FAM13A: variants seen among roughly 807,000 people sequenced by gnomAD.
FAM13A encodes protein FAM13A.
Under a neutral mutation model 129.6 loss-of-function variants are expected in FAM13A, and 76 were observed. The ratio of observed to expected loss-of-function variants is 0.59; its 90% CI spans 0.49 to 0.71. The LOEUF (loss-of-function observed/expected upper bound fraction) is 0.71, where lower values mean the gene tolerates loss of function less well. FAM13A is among the 30% of genes least tolerant of loss of function. FAM13A has a pLI of 0.00. For synonymous variants in FAM13A, 443 were observed against 449.9 expected (o/e 0.98, Z 0.20); for missense variants, 1,108 against 1,249.3 (o/e 0.89, Z 1.70).
intron 3 of FAM13A, among the ~76,000 whole-genome samples, chr4:89,012,509 C>T (rs914408193): frequency 6.6e-6 from 1 of 152,212 alleles, no homozygotes; most frequent in South Asian, 2.1e-4. Flanking sequence ...TGATAAAAAT[C>T]TGTCATGCAG....
At position 88,783,388 on chromosome 4, in the gene FAM13A, C is replaced by T. The variant is rs572519095; in HGVS notation, c.1272-2037G>A. ...GATCTAGGCTCACTGCAAACTCGACCTCCCAGGTTCAAGCAATTCTCCTGC... is the reference window on the plus strand; with the variant it reads ...GATCTAGGCTCACTGCAAACTCGACTTCCCAGGTTCAAGCAATTCTCCTGC... On this transcript the variant is annotated intron_variant, in intron 10 of 23. Coordinates refer to ENST00000264344, the MANE Select transcript of FAM13A (RefSeq NM_014883.4). Among the ~76,000 whole-genome samples, 35 of 152,170 alleles carry T rather than the reference C, an allele frequency of 2.3e-4. 1 individual carries two copies. Among genetic ancestry groups the T allele is most frequent in the Middle Eastern group, 6.8e-3 (2 of 294 alleles).
chr4:88,865,537 GCAAAT>G (rs1740240615), intron 6 of FAM13A, among the ~76,000 whole-genome samples: 1 of 152,186 alleles, frequency 6.6e-6, no homozygotes, highest in South Asian at 2.1e-4. Flanking sequence ...AACGGTAACA[GCAAAT>G]CATGATATTG....
intron 1 of FAM13A, among the ~76,000 whole-genome samples, chr4:89,042,317 A>G (rs1035837409): frequency 7.9e-5 from 12 of 152,196 alleles, no homozygotes; most frequent in Non-Finnish European, 5.9e-5. Flanking sequence ...GCACATGTCC[A>G]CCTTGGAATA....
intron 20 of FAM13A, 23 bp from the exon 21 acceptor site, chr4:88,737,578 G>A (rs756905221): frequency 6.2e-7 from 1 of 1,601,916 alleles, no homozygotes; most frequent in Non-Finnish European, 8.6e-7. Context: ...TTAACAAGTA[G>A]GTTACATTCC....
intron 19 of FAM13A, among the ~76,000 whole-genome samples, chr4:88,745,888 C>A (rs190485296): frequency 1.3e-5 from 2 of 149,400 alleles, no homozygotes; most frequent in East Asian, 3.9e-4. Flanking sequence ...CTGATAAATT[C>A]AGAATTAAAA....
chr4:88,894,600 C>T (rs1188919151), intron 6 of FAM13A, among the ~76,000 whole-genome samples: 7 of 152,182 alleles, frequency 4.6e-5, no homozygotes, highest in Admixed American at 3.9e-4. Flanking sequence ...TGGCTCACTG[C>T]AACCTCAGCC....
At chr4:89,025,263 T>G (rs1466624529) in intron 2 of FAM13A, among the ~76,000 whole-genome samples, 5 of 125,864 alleles carry the variant, frequency 4.0e-5, no homozygotes, top group African/African-American at 1.4e-4. Context: ...TTTTTTTTTT[T>G]TTTTTTTTTT....
intron 23 of FAM13A, among the ~76,000 whole-genome samples, chr4:88,730,634 C>T (rs193195762): frequency 4.5e-4 from 69 of 152,236 alleles, no homozygotes; most frequent in Non-Finnish European, 8.1e-4. Flanking sequence ...TCATGTAATC[C>T]ACCCTCCTTG....
At chr4:88,954,885 C>CGAA (rs2148891151) in intron 4 of FAM13A, among the ~76,000 whole-genome samples, 1 of 123,990 alleles carries the variant, frequency 8.1e-6, no homozygotes, top group African/African-American at 3.0e-5. Context: ...GACTTCGTCT[C>CGAA]AAAAAAAAAA....
chr4:88,896,282 A>C (rs866482357), intron 6 of FAM13A, among the ~76,000 whole-genome samples: 1 of 84,942 alleles, frequency 1.2e-5, no homozygotes, highest in Admixed American at 1.4e-4. Context: ...GGGTTGGGGG[A>C]GGGGGGAGGG....
intron 7 of FAM13A, among the ~76,000 whole-genome samples, chr4:88,811,219 C>T (rs1157077898): frequency 6.6e-6 from 1 of 152,024 alleles, no homozygotes; most frequent in Non-Finnish European, 1.5e-5. Context: ...GGCATGATGA[C>T]GTAGTTGTGG....
intron 6 of FAM13A, among the ~76,000 whole-genome samples, chr4:88,875,622 A>G (rs1180557914): frequency 6.6e-6 from 1 of 152,342 alleles, no homozygotes; most frequent in African/African-American, 2.4e-5. Context: ...AATGGCGATC[A>G]TTAAAAAGTC....
At chr4:88,823,418 G>A (rs1732435739) in intron 7 of FAM13A, 1 of 787,218 alleles carries the variant, frequency 1.3e-6, no homozygotes, top group African/African-American at 1.9e-5. Context: ...CTGCTCCTCA[G>A]TGGGCTTGCC....
chr4:89,030,799 A>G (rs1437152573), intron 1 of FAM13A, among the ~76,000 whole-genome samples: 2 of 152,168 alleles, frequency 1.3e-5, no homozygotes, highest in Non-Finnish European at 2.9e-5. Flanking sequence ...AATTATAGTG[A>G]CAAACTTATA....
Position 88,783,017 on chromosome 4 carries a change from C to T in FAM13A, c.1272-1666G>A, listed in dbSNP as rs561410773. ...TGTGTGTACACGGTAGGTGTATATACATAAATTACAGGGTACATGAGATAT... is the reference window on the plus strand; with the variant it reads ...TGTGTGTACACGGTAGGTGTATATATATAAATTACAGGGTACATGAGATAT... On this transcript the variant is annotated intron_variant, in intron 10 of 23. Coordinates refer to ENST00000264344, the MANE Select transcript of FAM13A (RefSeq NM_014883.4). 2.0e-5 allele frequency among the ~76,000 whole-genome samples: 3 copies of T among 151,824 alleles called. No homozygotes were observed. In the East Asian group the frequency reaches 5.8e-4, roughly 29 times the overall value.
intron 6 of FAM13A, among the ~76,000 whole-genome samples, chr4:88,903,349 A>C (rs1747602026): frequency 6.6e-6 from 1 of 152,200 alleles, no homozygotes; most frequent in Admixed American, 6.5e-5. Flanking sequence ...ACTATAGTAC[A>C]AGGCTACAGT....
At chr4:88,954,966 C>T (rs1237693125) in intron 4 of FAM13A, among the ~76,000 whole-genome samples, 2 of 151,954 alleles carry the variant, frequency 1.3e-5, no homozygotes, top group Non-Finnish European at 2.9e-5. Context: ...CCAGCATTTC[C>T]CTCTTTTCTG....
intron 1 of FAM13A, among the ~76,000 whole-genome samples, chr4:89,037,742 T>C (rs1769573671): frequency 6.6e-6 from 1 of 152,124 alleles, no homozygotes; most frequent in Admixed American, 6.5e-5. Context: ...GTAATTAGAC[T>C]GGGGGGTGGA....
chr4:89,049,714 T>TG (rs1374647975), intron 1 of FAM13A, among the ~76,000 whole-genome samples: 1 of 152,178 alleles, frequency 6.6e-6, no homozygotes, highest in African/African-American at 2.4e-5. Flanking sequence ...TGGAGTGCAG[T>TG]GGTGCATCTC....
Sources: allele counts gnomAD v4.1 joint callset (sites outside exome capture counted in the v4.1 genomes callset), GRCh38; gene constraint gnomAD v4.1.1; transcripts MANE v1.5; gene names NCBI Gene and HGNC (gene_info 2026-07-23, HGNC 2026-07-21).